Variants in ETV6 observed in about 807,000 individuals in gnomAD.
ETV6 encodes transcription factor ETV6.
ETV6 carries 16 observed loss-of-function variants against 51.1 expected under a neutral mutation model. The ratio of observed to expected loss-of-function variants is 0.31; its 90% confidence interval spans 0.21 to 0.48. The LOEUF (loss-of-function observed/expected upper bound fraction) is 0.48, where lower values mean the gene tolerates loss of function less well. Among genes scored for constraint, ETV6 ranks in the 20% least tolerant of loss-of-function variants. ETV6 has a pLI of 0.99. For missense variants in ETV6, 458 were observed against 594.8 expected, an observed-to-expected ratio of 0.77 and a Z score of 2.39; for synonymous variants, 240 against 224.1, an observed-to-expected ratio of 1.07 and a Z score of -0.64.
At chr12:11,802,117 G>T (rs932711032) in intron 2 of ETV6, among the ~76,000 whole-genome samples, 2 of 152,190 alleles carry the variant, frequency 1.3e-5, no homozygotes, top group Admixed American at 6.5e-5. Flanking sequence ...GGCCACTGCC[G>T]GGGGCTGATA....
intron 2 of ETV6, among the ~76,000 whole-genome samples, chr12:11,779,357 C>T (rs956991196): frequency 2.0e-5 from 3 of 152,200 alleles, no homozygotes. Context: ...CAGTTCCCAT[C>T]TTAAAAACTT....
intron 1 of ETV6, among the ~76,000 whole-genome samples, chr12:11,693,320 A>G (rs1864805166): frequency 6.6e-6 from 1 of 152,164 alleles, no homozygotes; most frequent in Non-Finnish European, 1.5e-5. Context: ...AGATGAGGGA[A>G]GTCATGCAGT....
In ETV6 at chr12:11,649,734, C is replaced by T. The variant is rs975164898; in HGVS notation, c.-394C>T. 30 of 151,112 alleles carry T rather than the reference C, an allele frequency of 2.0e-4. No homozygotes were observed. The highest frequency in any genetic ancestry group is 1.9e-3 in the South Asian group (9 of 4,844). 9.4% of individuals were successfully genotyped at this position (151,112 alleles called of 1,614,324 possible). On this transcript the variant is annotated 5_prime_UTR_variant, in exon 1 of 8. Coordinates refer to ENST00000396373, the MANE Select transcript of ETV6 (RefSeq NM_001987.5). ...GAGCAAAGAGCTTTCTCAGTTCTGC[C>T]TTTCAGTTTCTCTCTTCCAGGAAGG... is the stretch of plus-strand genomic sequence containing the variant.
At position 11,891,599 on chromosome 12, in the gene ETV6, TGAAAAAAAAAAATGCTTTTAAAAAA is replaced by T. The variant is rs1301098996; in HGVS notation, c.*556_*580del. The T allele has an allele frequency of 3.8e-6, 2 of 526,508 alleles. No homozygotes were observed. The highest frequency in any genetic ancestry group is 4.6e-5 in the Admixed American group (2 of 43,448). The allele number at this position is 526,508 out of a possible 1,614,324, so 32.6% of individuals were successfully genotyped here. A position where few individuals can be genotyped will look rare whatever the true frequency, so the allele number is the denominator to read the frequency against. On this transcript the variant is annotated 3_prime_UTR_variant, in exon 8 of 8. Transcript: ENST00000396373. ...GTTCCTGTTACTGTTGGGTCTTGGC[TGAAAAAAAAAAATGCTTTTAAAAAA>T]GATAAAATGAAAAGGAGAGCTCTCT... is the stretch of plus-strand genomic sequence containing the variant.
intron 2 of ETV6, among the ~76,000 whole-genome samples, chr12:11,824,073 T>C (rs955015413): frequency 1.3e-5 from 2 of 152,254 alleles, no homozygotes; most frequent in Non-Finnish European, 2.9e-5. Context: ...CTCTTCTTTA[T>C]GAGACACCAA....
At chr12:11,658,654 C>T (rs1251501695) in intron 1 of ETV6, among the ~76,000 whole-genome samples, 1 of 152,182 alleles carries the variant, frequency 6.6e-6, no homozygotes, top group Non-Finnish European at 1.5e-5. Context: ...TTGTCACTGT[C>T]CCATTGAGTT....
chr12:11,706,270 A>C lies in ETV6; in HGVS notation c.34-46180A>C, dbSNP rs113078012. Among the ~76,000 whole-genome samples the C allele has an allele frequency of 3.2e-3, 491 of 152,336 alleles. 5 individuals are homozygous for C. Among genetic ancestry groups the C allele is most frequent in the African/African-American group, 0.011 (468 of 41,574 alleles). On this transcript the variant is annotated intron_variant, in intron 1 of 7. Transcript: ENST00000396373. ...TTATCCTGATAATAACCGTGTGAGA[A>C]AAGCAGGATGGCAGTCTTACTGTCC... is the stretch of plus-strand genomic sequence containing the variant.
chr12:11,715,103 C>T (rs904904099), intron 1 of ETV6, among the ~76,000 whole-genome samples: 9 of 151,950 alleles, frequency 5.9e-5, no homozygotes, highest in African/African-American at 9.7e-5. Flanking sequence ...TTTGTTTAAC[C>T]GAAATGAGCA....
chr12:11,860,874 A>G (rs1946706383), intron 4 of ETV6, among the ~76,000 whole-genome samples: 1 of 152,160 alleles, frequency 6.6e-6, no homozygotes, highest in Non-Finnish European at 1.5e-5. Flanking sequence ...TGCAAACATC[A>G]GGTTTGTGCA....
intron 1 of ETV6, among the ~76,000 whole-genome samples, chr12:11,705,298 T>C (rs1338689429): frequency 6.6e-6 from 1 of 152,232 alleles, no homozygotes; most frequent in Admixed American, 6.5e-5. Context: ...GTCAGGTTTG[T>C]TAATTTTTTC....
chr12:11,673,130 G>A (rs924174724), intron 1 of ETV6, among the ~76,000 whole-genome samples: 8 of 152,142 alleles, frequency 5.3e-5, no homozygotes, highest in South Asian at 2.1e-4. Context: ...CTCTCGCAGC[G>A]GGCCATTTGT....
rs1392106736 is a variant in ETV6 at position 11,893,352 on chromosome 12, G to C, written c.*2306G>C. The stretch of plus-strand genomic sequence containing the variant: ...AAGTGCAAGAACTCAGTCTCTTACT[G>C]TTCAAAGAATCTTAACAGTTGAATT... On this transcript the variant is annotated 3_prime_UTR_variant, in exon 8 of 8. Coordinates refer to ENST00000396373, the MANE Select transcript of ETV6 (RefSeq NM_001987.5). 5.2e-6 allele frequency: 1 copy of C among 191,206 alleles called. No individual in the cohort carries two copies. The highest frequency in any genetic ancestry group is 1.0e-5 in the Non-Finnish European group (1 of 98,654). 11.8% of individuals were successfully genotyped at this position (191,206 alleles called of 1,614,324 possible).
intron 2 of ETV6, among the ~76,000 whole-genome samples, chr12:11,771,832 A>G (rs1565520046): frequency 6.6e-6 from 1 of 152,222 alleles, no homozygotes; most frequent in African/African-American, 2.4e-5. Flanking sequence ...TCAGACTTGC[A>G]TAGCAAAGAA....
intron 2 of ETV6, among the ~76,000 whole-genome samples, chr12:11,764,125 G>A (rs1282540287): frequency 6.6e-6 from 1 of 152,180 alleles, no homozygotes; most frequent in Non-Finnish European, 1.5e-5. Flanking sequence ...GATAGTTATG[G>A]AGAGAGATAA....
At chr12:11,804,106 T>C (rs1367157752) in intron 2 of ETV6, among the ~76,000 whole-genome samples, 2 of 152,238 alleles carry the variant, frequency 1.3e-5, no homozygotes, top group Non-Finnish European at 2.9e-5. Context: ...TCAAAAGATT[T>C]TTATCAGGTG....
At chr12:11,825,509 C>T (rs549460195) in intron 2 of ETV6, 1 of 152,344 alleles carries the variant, frequency 6.6e-6, no homozygotes, top group Admixed American at 6.5e-5. Flanking sequence ...TGGCCATCTC[C>T]TCTCCTCTGC....
chr12:11,701,472 G>A (rs1387481881), intron 1 of ETV6, among the ~76,000 whole-genome samples: 1 of 152,154 alleles, frequency 6.6e-6, no homozygotes, highest in Non-Finnish European at 1.5e-5. Context: ...CTTTTTGGCA[G>A]CCATTGTCTT....
Position 11,891,573 on chromosome 12 carries a change from T to C in ETV6, c.*527T>C, listed in dbSNP as rs1322617223. On this transcript the variant is annotated 3_prime_UTR_variant, in exon 8 of 8. Transcript: ENST00000396373. ...TTTTTCCTGCCACGTGGATCAGGTC[T>C]GTTCCTGTTACTGTTGGGTCTTGGC... 1 of 535,902 alleles carries C rather than the reference T, an allele frequency of 1.9e-6. No individual in the cohort carries two copies. Among genetic ancestry groups the C allele is most frequent in the Admixed American group, 2.2e-5 (1 of 44,956 alleles). 33.2% of individuals were successfully genotyped at this position (535,902 alleles called of 1,614,324 possible).
At chr12:11,811,230 C>T (rs993392251) in intron 2 of ETV6, among the ~76,000 whole-genome samples, 1 of 152,226 alleles carries the variant, frequency 6.6e-6, no homozygotes, top group African/African-American at 2.4e-5. Context: ...GGACTCATTT[C>T]GAATCTAACT....
Sources: allele counts gnomAD v4.1 joint callset (sites outside exome capture counted in the v4.1 genomes callset), GRCh38; gene constraint gnomAD v4.1.1; transcripts MANE v1.5; gene names NCBI Gene and HGNC (gene_info 2026-07-23, HGNC 2026-07-21).